Variants in PCDHGA1 observed in about 807,000 individuals in gnomAD.
PCDHGA1 encodes the protein protocadherin gamma subfamily A, 1.
Under a neutral mutation model 58.0 loss-of-function variants are expected in PCDHGA1, and 32 were observed. That is an observed-to-expected ratio of 0.55 (90% confidence interval 0.42 to 0.74). The LOEUF is 0.74. Ranked by LOEUF, PCDHGA1 falls within the 30% of genes least tolerant of loss-of-function variation. The pLI, the probability that PCDHGA1 is intolerant of heterozygous loss-of-function variation, is 0.00. For synonymous variants in PCDHGA1, 498 were observed against 501.1 expected (o/e 0.99, Z 0.08); for missense variants, 1,205 against 1,182.3 (o/e 1.02, Z -0.28).
At chr5:141,418,124 C>G (rs762154093) in intron 1 of PCDHGA1, 1 of 1,613,836 alleles carries the variant, frequency 6.2e-7, no homozygotes, top group African/African-American at 1.3e-5. Context: ...TGTGAAGGAC[C>G]GAATAGACCG....
intron 1 of PCDHGA1, chr5:141,384,930 C>A (rs764481830): frequency 6.2e-7 from 1 of 1,614,060 alleles, no homozygotes; most frequent in Admixed American, 1.7e-5. Flanking sequence ...ACCTGGGCAG[C>A]CTTGAGCCCT....
chr5:141,500,175 CA>C (rs762724660), intron 2 of PCDHGA1, among the ~76,000 whole-genome samples: 15 of 147,258 alleles, frequency 1.0e-4, no homozygotes, highest in Non-Finnish European at 1.5e-4. Flanking sequence ...GCATGAGCTT[CA>C]TTTTTATTTT....
At position 141,494,885 on chromosome 5, in the gene PCDHGA1, G is replaced by T; in HGVS notation, c.2480+20G>T. The T allele has an allele frequency of 6.8e-6, 11 of 1,614,082 alleles. No homozygotes were observed. The highest frequency in any genetic ancestry group is 8.5e-6 in the Non-Finnish European group (10 of 1,179,992). Reference sequence around the variant, plus strand: ...CAGCGGGTAGGTGACTGATTCTCCAGCCCACCCTCTTCTCTGCGGCATTTT... The same window carrying T: ...CAGCGGGTAGGTGACTGATTCTCCATCCCACCCTCTTCTCTGCGGCATTTT... On this transcript the variant is annotated intron_variant, in intron 2 of 3. Transcript: ENST00000517417.
chr5:141,441,737 C>T lies in PCDHGA1; in HGVS notation c.2422-53070C>T, dbSNP rs2098268916. 5 of 365,122 alleles carry T rather than the reference C, an allele frequency of 1.4e-5. 1 individual carries two copies. The highest frequency in any genetic ancestry group is 1.1e-4 in the South Asian group (5 of 46,286). 22.6% of individuals were successfully genotyped at this position (365,122 alleles called of 1,614,324 possible). ...TGCAGGCCCGCGACCAGGACTAGCT[C>T]GCGCTCGGCGTCAACGTGAGCCTGC... On this transcript the variant is annotated intron_variant, in intron 1 of 3. Transcript: ENST00000517417.
intron 1 of PCDHGA1, among the ~76,000 whole-genome samples, chr5:141,406,668 G>A (rs1415631899): frequency 3.3e-5 from 5 of 152,122 alleles, no homozygotes; most frequent in African/African-American, 7.2e-5. Flanking sequence ...TTAAATTATG[G>A]AGAATAGTAG....
rs760262550 is a variant in PCDHGA1 at position 141,332,610 on chromosome 5, C to A, written c.1926C>A (p.Leu642=). Residue 642 remains leucine, a synonymous_variant, in exon 1 of 4, where the codon CTC becomes CTA. Transcript: ENST00000517417. The surrounding 1 kb of genome is among the most constrained non-coding windows in gnomAD (Gnocchi z 4.6). ...LLDRDALKQS[L]VVAVQDHGQP... ...ACAGAGACGCGCTCAAGCAGAGTCTCGTGGTGGCCGTCCAGGACCACGGCC... is the reference window on the plus strand; with the variant it reads ...ACAGAGACGCGCTCAAGCAGAGTCTAGTGGTGGCCGTCCAGGACCACGGCC... The A allele has an allele frequency of 1.9e-6, 3 of 1,612,774 alleles. No homozygotes were observed. Among genetic ancestry groups the A allele is most frequent in the Non-Finnish European group, 2.5e-6 (3 of 1,179,890 alleles).
chr5:141,340,871 G>T, intron 1 of PCDHGA1: 2 of 1,613,670 alleles, frequency 1.2e-6, no homozygotes. Context: ...AGCCCTGCTG[G>T]ACAGAGACGC....
chr5:141,400,290 C>T, intron 1 of PCDHGA1: 3 of 1,614,090 alleles, frequency 1.9e-6, no homozygotes, highest in Non-Finnish European at 2.5e-6. Context: ...CCGCCTGGAG[C>T]TGCTTCCAAC....
chr5:141,432,271 C>T lies in PCDHGA1; in HGVS notation c.2422-62536C>T. On this transcript the variant is annotated intron_variant, in intron 1 of 3. Transcript: ENST00000517417. The surrounding 1 kb of genome is among the most constrained non-coding windows in gnomAD (Gnocchi z 6.0). ...TCCAAGGGGCAAGCCTATCGTCCTA[C>T]GTGTCCATCAACTCCGACACTGGGG... is the stretch of plus-strand genomic sequence containing the variant. The T allele has an allele frequency of 6.2e-7, 1 of 1,614,264 alleles. No individual in the cohort carries two copies. Among genetic ancestry groups the T allele is most frequent in the Non-Finnish European group, 8.5e-7 (1 of 1,180,050 alleles).
At chr5:141,396,645 A>G (rs1224275677) in intron 1 of PCDHGA1, 1 of 152,172 alleles carries the variant, frequency 6.6e-6, no homozygotes, top group Non-Finnish European at 1.5e-5. Context: ...TAATATTAAT[A>G]GTAAAAACTC....
intron 1 of PCDHGA1, chr5:141,426,750 G>A (rs1287163824): frequency 2.2e-6 from 1 of 456,160 alleles, no homozygotes; most frequent in Non-Finnish European, 4.4e-6. Context: ...CCTGGAATCT[G>A]CTATAGATGC....
intron 1 of PCDHGA1, chr5:141,413,266 GGA>G: frequency 6.2e-7 from 1 of 1,613,962 alleles, no homozygotes; most frequent in South Asian, 1.1e-5. Context: ...ATGGGAGGCT[GGA>G]GCCCGGCAGA....
intron 2 of PCDHGA1, among the ~76,000 whole-genome samples, chr5:141,500,695 T>G (rs1214079801): frequency 1.3e-5 from 2 of 152,214 alleles, no homozygotes; most frequent in Admixed American, 6.5e-5. Flanking sequence ...TTTTTCTTCT[T>G]TGCAGTGTAT....
At chr5:141,337,004 A>G (rs771779441) in intron 1 of PCDHGA1, among the ~76,000 whole-genome samples, 4 of 152,238 alleles carry the variant, frequency 2.6e-5, no homozygotes, top group Admixed American at 1.3e-4. Flanking sequence ...ATGATATACA[A>G]ATGGCCAAAA....
intron 1 of PCDHGA1, chr5:141,426,340 C>A: frequency 5.3e-6 from 1 of 190,288 alleles, no homozygotes; most frequent in Non-Finnish European, 1.1e-5. Flanking sequence ...AGCACTCTTC[C>A]CTTTCCTGCT....
At chr5:141,418,740 TG>T in intron 1 of PCDHGA1, 1 of 1,613,972 alleles carries the variant, frequency 6.2e-7, no homozygotes, top group Non-Finnish European at 8.5e-7. Context: ...GTGTTCTCTC[TG>T]GATTACACTA....
rs542548063 is a variant in PCDHGA1, at chr5:141,412,999, C to T, written c.2421+79894C>T. On this transcript the variant is annotated intron_variant, in intron 1 of 3. Coordinates refer to ENST00000517417, the MANE Select transcript of PCDHGA1 (RefSeq NM_018912.3). Reference sequence around the variant, plus strand: ...GCAGCCAGAGCTCAATCCGGATTCTCAGGGCTTCAACTACACAAGCCCCAC... The same window carrying T: ...GCAGCCAGAGCTCAATCCGGATTCTTAGGGCTTCAACTACACAAGCCCCAC... 150 of 588,234 alleles carry T rather than the reference C, an allele frequency of 2.6e-4. 1 individual carries two copies. In the South Asian group the frequency reaches 3.6e-3, roughly 14 times the overall value. 36.4% of individuals were successfully genotyped at this position (588,234 alleles called of 1,614,324 possible). A position where few individuals can be genotyped will look rare whatever the true frequency, so the allele number is the denominator to read the frequency against.
intron 1 of PCDHGA1, chr5:141,367,398 G>C (rs1419985129): frequency 2.0e-5 from 3 of 152,206 alleles, no homozygotes; most frequent in African/African-American, 7.2e-5. Context: ...TTAGCCGGGC[G>C]TGGTGGCAGG....
At chr5:141,471,361 CT>C (rs2099255928) in intron 1 of PCDHGA1, 1 of 151,976 alleles carries the variant, frequency 6.6e-6, no homozygotes, top group Non-Finnish European at 1.5e-5. Flanking sequence ...TCCAAGCCCC[CT>C]ATTTTTATTT....
Sources: gnomAD v4.1 joint callset for allele counts (sites outside exome capture counted in the v4.1 genomes callset) on GRCh38, gnomAD v4.1.1 for gene constraint, Gnocchi (gnomAD v3.1) non-coding constraint, MANE v1.5 for transcripts, NCBI Gene and HGNC (gene_info 2026-07-23, HGNC 2026-07-21) for gene names.